Variants in SCN8A observed in about 807,000 individuals in gnomAD.
SCN8A encodes sodium channel protein type 8 subunit alpha.
In SCN8A, 30 loss-of-function variants were observed where a neutral mutation model predicts 184.1. The observed-to-expected ratio is 0.16, with a 90% confidence interval of 0.12 to 0.22. The LOEUF (loss-of-function observed/expected upper bound fraction) is 0.22. SCN8A is among the 10% of genes least tolerant of loss of function. The pLI, the probability that SCN8A is intolerant of heterozygous loss-of-function variation, is 1.00. For missense variants in SCN8A, 1,057 were observed against 2,498.9 expected (o/e 0.42, Z 12.30); for synonymous variants, 852 against 907.0 (o/e 0.94, Z 1.09).
intron 22 of SCN8A, among the ~76,000 whole-genome samples, chr12:51,787,968 C>T (rs1166537678): frequency 6.6e-6 from 1 of 152,202 alleles, no homozygotes; most frequent in African/African-American, 2.4e-5. Context: ...AGAGTCCCTG[C>T]CATATGCAAG....
intron 20 of SCN8A, among the ~76,000 whole-genome samples, chr12:51,775,004 T>C (rs1162513594): frequency 2.0e-5 from 3 of 152,230 alleles, no homozygotes; most frequent in Non-Finnish European, 4.4e-5. Context: ...CATGACCTCC[T>C]GTGTTTTTTC....
chr12:51,622,059 C>G (rs551401820), intron 1 of SCN8A, among the ~76,000 whole-genome samples: 1 of 152,318 alleles, frequency 6.6e-6, no homozygotes, highest in African/African-American at 2.4e-5. Flanking sequence ...TCATATACTT[C>G]TGTCACATAG....
At chr12:51,740,275 G>C (rs935739973) in intron 12 of SCN8A, among the ~76,000 whole-genome samples, 10 of 152,224 alleles carry the variant, frequency 6.6e-5, no homozygotes, top group Non-Finnish European at 1.3e-4. Context: ...TCCCAACAAG[G>C]TGCTGATAGC....
chr12:51,665,146 C>G (rs1232573140), intron 2 of SCN8A, among the ~76,000 whole-genome samples: 2 of 152,148 alleles, frequency 1.3e-5, no homozygotes, highest in Non-Finnish European at 2.9e-5. Flanking sequence ...CCCAATTTTC[C>G]TTTGCATACT....
At chr12:51,615,872 C>G (rs1208051573) in intron 1 of SCN8A, among the ~76,000 whole-genome samples, 1 of 151,930 alleles carries the variant, frequency 6.6e-6, no homozygotes, top group Admixed American at 6.6e-5. Flanking sequence ...TGCATGTCAT[C>G]CTTCATGCCT....
At chr12:51,792,908 A>G (rs1938306251) in intron 25 of SCN8A, among the ~76,000 whole-genome samples, 1 of 151,814 alleles carries the variant, frequency 6.6e-6, no homozygotes, top group African/African-American at 2.4e-5. Context: ...ATGCCCGGCT[A>G]ATTTTTGTAT....
chr12:51,676,721 T>C (rs1941228468), intron 2 of SCN8A, among the ~76,000 whole-genome samples: 1 of 152,218 alleles, frequency 6.6e-6, no homozygotes, highest in African/African-American at 2.4e-5. Context: ...TCATAAGTCA[T>C]TGCCAGTAAT....
intron 12 of SCN8A, among the ~76,000 whole-genome samples, chr12:51,726,251 G>T (rs147514467): frequency 7.9e-5 from 12 of 152,274 alleles, no homozygotes; most frequent in Admixed American, 3.3e-4. Context: ...AAGTAGGTGA[G>T]AATCATTTCT....
At chr12:51,709,103 A>G (rs1254156749) in intron 11 of SCN8A, among the ~76,000 whole-genome samples, 2 of 152,240 alleles carry the variant, frequency 1.3e-5, no homozygotes, top group Non-Finnish European at 2.9e-5. Flanking sequence ...AAGGATAGAC[A>G]GGAATTAGGT....
intron 2 of SCN8A, among the ~76,000 whole-genome samples, chr12:51,681,785 A>G (rs1941338553): frequency 6.6e-6 from 1 of 152,230 alleles, no homozygotes; most frequent in African/African-American, 2.4e-5. Flanking sequence ...TGACTCTGGT[A>G]GATTAGGAAA....
intron 11 of SCN8A, among the ~76,000 whole-genome samples, chr12:51,718,224 G>A (rs1941997317): frequency 6.6e-6 from 1 of 152,298 alleles, no homozygotes; most frequent in African/African-American, 2.4e-5. Context: ...CCTCACTCCT[G>A]TAATCCCAGG....
intron 11 of SCN8A, chr12:51,713,430 GC>G: frequency 1.3e-6 from 1 of 799,522 alleles, no homozygotes; most frequent in Non-Finnish European, 2.2e-6. Flanking sequence ...CTGTGAGTGT[GC>G]CCCATTTCTC....
Position 51,712,421 on chromosome 12 carries a change from C to T in SCN8A, c.1635+5706C>T, listed in dbSNP as rs1469742694. 4.6e-5 allele frequency: 35 copies of T among 758,668 alleles called. 1 individual carries two copies. Among genetic ancestry groups the T allele is most frequent in the South Asian group, 1.2e-4 (9 of 73,502 alleles). 47.0% of individuals were successfully genotyped at this position (758,668 alleles called of 1,614,324 possible). A position where few individuals can be genotyped will look rare whatever the true frequency, so the allele number is the denominator to read the frequency against. ...CTGCAGCTTTCCTGACAGCTCCTCG[C>T]GCTCTCTCCTGCTGAGAACTGTAGC... On this transcript the variant is annotated intron_variant, in intron 11 of 26. Coordinates refer to ENST00000627620, the MANE Select transcript of SCN8A (RefSeq NM_001330260.2).
intron 2 of SCN8A, among the ~76,000 whole-genome samples, chr12:51,680,191 T>G (rs955498201): frequency 6.6e-6 from 1 of 152,236 alleles, no homozygotes; most frequent in Non-Finnish European, 1.5e-5. Context: ...AAAAACTGTT[T>G]TTATACTTGA....
intron 23 of SCN8A, 41 bp from the exon 24 acceptor site, chr12:51,789,240 C>A (rs764284140): frequency 2.5e-6 from 4 of 1,610,556 alleles, no homozygotes; most frequent in Non-Finnish European, 3.4e-6. Flanking sequence ...AAACTCCAAA[C>A]TAGGAGCTGA....
chr12:51,802,822 C>T (rs1426319087), intron 26 of SCN8A, among the ~76,000 whole-genome samples: 2 of 151,610 alleles, frequency 1.3e-5, no homozygotes, highest in African/African-American at 4.9e-5. Flanking sequence ...TTGCATAACT[C>T]TCTAAACAGT....
chr12:51,700,817 A>AG (rs1362130450), intron 7 of SCN8A, among the ~76,000 whole-genome samples: 1 of 152,226 alleles, frequency 6.6e-6, no homozygotes, highest in African/African-American at 2.4e-5. Flanking sequence ...AGTGGTATAA[A>AG]GGGGTGTACA....
chr12:51,594,753 G>A (rs888305809), intron 1 of SCN8A, among the ~76,000 whole-genome samples: 1 of 152,008 alleles, frequency 6.6e-6, no homozygotes, highest in Non-Finnish European at 1.5e-5. Context: ...TCTACCATAA[G>A]CAAAACAATT....
rs780491922 is a variant in SCN8A, at chr12:51,806,636, G to T, written c.5150G>T (p.Arg1717Leu). ...GGCCTGCTGCTGCCCATCCTAAACC[G>T]CCCCCCTGACTGCAGCCTAGATAAG... ...WDGLLLPILNRPPDCSLDKEH... is the reference protein window; with the variant it reads ...WDGLLLPILNLPPDCSLDKEH... The change falls in exon 27 of 27, where the codon CGC (arginine) becomes CTC (leucine). Residue 1717 changes from arginine (R) to leucine (L), a missense_variant. Physicochemically the swap from Arg to Leu is moderately radical, Grantham distance 102. Transcript: ENST00000627620. This position sits in a 1 kb window ranked among gnomAD's most constrained non-coding sequence, Gnocchi z 8.7. The T allele has an allele frequency of 7.4e-6, 12 of 1,614,030 alleles. No homozygotes were observed. The highest frequency in any genetic ancestry group is 1.0e-5 in the Non-Finnish European group (12 of 1,179,974).
Sources: gnomAD v4.1 joint callset for allele counts (sites outside exome capture counted in the v4.1 genomes callset) on GRCh38, gnomAD v4.1.1 for gene constraint, Gnocchi (gnomAD v3.1) non-coding constraint, MANE v1.5 for transcripts, NCBI Gene and HGNC (gene_info 2026-07-23, HGNC 2026-07-21) for gene names.